NFATC2: variants seen among roughly 807,000 people sequenced by gnomAD.
NFATC2 encodes the protein nuclear factor of activated T-cells, cytoplasmic 2.
NFATC2 carries 22 observed loss-of-function variants against 87.3 expected under a neutral mutation model. The ratio of observed to expected loss-of-function variants is 0.25; its 90% CI spans 0.18 to 0.36. The LOEUF (loss-of-function observed/expected upper bound fraction) is 0.36, where lower values mean the gene tolerates loss of function less well. Ranked by LOEUF, NFATC2 falls within the 10% of genes least tolerant of loss-of-function variation. NFATC2 has a pLI of 1.00. For missense variants in NFATC2, 1,149 were observed against 1,259.1 expected (o/e 0.91, Z 1.32); for synonymous variants, 565 against 542.2 (o/e 1.04, Z -0.58).
chr20:51,503,484 C>T (rs1440980593), intron 3 of NFATC2, among the ~76,000 whole-genome samples: 2 of 152,162 alleles, frequency 1.3e-5, no homozygotes, highest in Non-Finnish European at 2.9e-5. Context: ...GGTCCCATGA[C>T]CATCTCAATG....
intron 10 of NFATC2, among the ~76,000 whole-genome samples, chr20:51,394,763 A>G (rs1185228432): frequency 7.1e-6 from 1 of 140,252 alleles, no homozygotes; most frequent in African/African-American, 3.3e-5. Flanking sequence ...ACTCTCCTGT[A>G]TTATTGCCAT....
chr20:51,561,529 A>AAGCG (rs2077032347), intron 1 of NFATC2, among the ~76,000 whole-genome samples: 1 of 146,430 alleles, frequency 6.8e-6, no homozygotes, highest in Admixed American at 6.9e-5. Context: ...GCAAGCAAGC[A>AAGCG]AAAGCCTCTC....
In NFATC2 at chr20:51,508,625, A is replaced by C. The variant is rs545087524; in HGVS notation, c.1332+8159T>G. Among the ~76,000 whole-genome samples the C allele has an allele frequency of 1.9e-3, 292 of 152,088 alleles. 1 individual carries two copies. Among genetic ancestry groups the C allele is most frequent in the African/African-American group, 6.8e-3 (284 of 41,480 alleles). ...CCATCCCCGCCTCCATCTTGAAGTG[A>C]AAAGGCTACATCAAGTCACCTCTAA... On this transcript the variant is annotated intron_variant, in intron 3 of 10. Coordinates refer to ENST00000371564, the MANE Select transcript of NFATC2 (RefSeq NM_012340.5).
chr20:51,417,780 T>A (rs1330360235), intron 9 of NFATC2, among the ~76,000 whole-genome samples: 1 of 152,168 alleles, frequency 6.6e-6, no homozygotes, highest in Admixed American at 6.5e-5. Context: ...ACATACTCAG[T>A]GGATATCTGT....
chr20:51,529,119 C>T (rs181149420), intron 1 of NFATC2, among the ~76,000 whole-genome samples: 41 of 152,256 alleles, frequency 2.7e-4, no homozygotes, highest in Non-Finnish European at 5.6e-4. Flanking sequence ...CACTGCCCTT[C>T]GAACCAGAAA....
intron 5 of NFATC2, among the ~76,000 whole-genome samples, chr20:51,473,275 C>G (rs1281049704): frequency 6.6e-6 from 1 of 152,136 alleles, no homozygotes; most frequent in East Asian, 1.9e-4. Context: ...TATGGATCCC[C>G]AACCCCTGGC....
At chr20:51,517,874 G>A (rs1182333403) in intron 2 of NFATC2, among the ~76,000 whole-genome samples, 4 of 147,900 alleles carry the variant, frequency 2.7e-5, no homozygotes, top group Non-Finnish European at 3.0e-5. Flanking sequence ...CTGAAATTGC[G>A]CCACTGCACT....
chr20:51,510,078 C>T (rs896103042), intron 3 of NFATC2, among the ~76,000 whole-genome samples: 1 of 152,224 alleles, frequency 6.6e-6, no homozygotes, highest in Admixed American at 6.5e-5. Context: ...GAGTGCGACG[C>T]TTCCACGTTC....
intron 2 of NFATC2, among the ~76,000 whole-genome samples, chr20:51,518,917 C>T (rs912185617): frequency 1.3e-5 from 2 of 152,208 alleles, no homozygotes; most frequent in African/African-American, 2.4e-5. Context: ...CCTCCTGCTT[C>T]AGCCTCCTGA....
At chr20:51,411,987 C>A (rs1173573445) in intron 9 of NFATC2, among the ~76,000 whole-genome samples, 1 of 152,106 alleles carries the variant, frequency 6.6e-6, no homozygotes, top group Non-Finnish European at 1.5e-5. Flanking sequence ...CTATTAAGAG[C>A]CCCATTAGGG....
rs1479088331 is a variant in NFATC2, at chr20:51,480,800, C to T, written c.1333-5140G>A. Among the ~76,000 whole-genome samples the T allele has an allele frequency of 2.6e-5, 4 of 152,290 alleles. No individual in the cohort carries two copies. Among genetic ancestry groups the T allele is most frequent in the Middle Eastern group, 3.4e-3 (1 of 294 alleles). ...TTGTTGGGCACCAAAGCACAGCACA[C>T]GGTAGGTACCCATGAAACGAGAACT... On this transcript the variant is annotated intron_variant, in intron 3 of 10. Transcript: ENST00000371564. The surrounding 1 kb of genome is among the most constrained non-coding windows in gnomAD (Gnocchi z 4.2).
intron 9 of NFATC2, among the ~76,000 whole-genome samples, chr20:51,431,585 C>T (rs1306220121): frequency 6.6e-6 from 1 of 152,186 alleles, no homozygotes; most frequent in Non-Finnish European, 1.5e-5. Flanking sequence ...TCTGATAAAG[C>T]CACTTTTCAA....
In NFATC2 at chr20:51,495,770, G is replaced by A. The variant is rs560934340; in HGVS notation, c.1333-20110C>T. Among the ~76,000 whole-genome samples, 7 of 152,250 alleles carry A rather than the reference G, an allele frequency of 4.6e-5. No individual in the cohort carries two copies. The East Asian group carries it at 1.4e-3, about 29-fold the overall frequency. On this transcript the variant is annotated intron_variant, in intron 3 of 10. Transcript: ENST00000371564. ...CACCCCCAGGTGTAAGAGAGCTCAC[G>A]TCCCATGCACTGGCTGGGTCTACAT...
intron 3 of NFATC2, among the ~76,000 whole-genome samples, chr20:51,491,877 TACAC>T (rs33936990): frequency 0.02 from 1,161 of 57,354 alleles, 12 homozygotes; most frequent in Middle Eastern, 0.028. Context: ...CACATACACA[TACAC>T]ACACACACAC....
intron 1 of NFATC2, among the ~76,000 whole-genome samples, chr20:51,531,989 C>T (rs1313716723): frequency 6.6e-6 from 1 of 152,108 alleles, no homozygotes; most frequent in Non-Finnish European, 1.5e-5. Flanking sequence ...AAACGTGCTT[C>T]CAACACCCTC....
intron 10 of NFATC2, among the ~76,000 whole-genome samples, chr20:51,396,836 C>CCTAA (rs1345116720): frequency 2.6e-5 from 4 of 152,168 alleles, no homozygotes; most frequent in Admixed American, 6.5e-5. Context: ...TGCCTTTGGT[C>CCTAA]CTAACTGTTC....
intron 1 of NFATC2, among the ~76,000 whole-genome samples, chr20:51,525,549 C>T (rs1352952063): frequency 1.3e-5 from 2 of 150,088 alleles, no homozygotes; most frequent in Non-Finnish European, 3.0e-5. Flanking sequence ...GCAACTCCAC[C>T]TCCAAGGCCC....
chr20:51,541,958 A>G (rs2076825132), intron 1 of NFATC2, among the ~76,000 whole-genome samples: 1 of 150,654 alleles, frequency 6.6e-6, no homozygotes, highest in African/African-American at 2.4e-5. Context: ...TTTTTTGGCA[A>G]CTCCTCCCTG....
At chr20:51,434,130 G>T (rs377243628) in intron 8 of NFATC2, among the ~76,000 whole-genome samples, 1 of 152,160 alleles carries the variant, frequency 6.6e-6, no homozygotes, top group Non-Finnish European at 1.5e-5. Flanking sequence ...TCTGTCCCAA[G>T]ACAGCAGTGT....
Sources: allele counts gnomAD v4.1 joint callset (sites outside exome capture counted in the v4.1 genomes callset), GRCh38; gene constraint gnomAD v4.1.1; non-coding constraint Gnocchi (gnomAD v3.1); transcripts MANE v1.5; gene names NCBI Gene and HGNC (gene_info 2026-07-23, HGNC 2026-07-21).